Variants in ERLIN1 observed in about 807,000 individuals in gnomAD.
ERLIN1 encodes erlin-1.
In ERLIN1, 24 loss-of-function variants were observed where a neutral mutation model predicts 46.9. That is an observed-to-expected ratio of 0.51 (90% CI 0.37 to 0.72). The LOEUF (loss-of-function observed/expected upper bound fraction) is 0.72, where lower values mean the gene tolerates loss of function less well. Among genes scored for constraint, ERLIN1 ranks in the 30% least tolerant of loss-of-function variants. The pLI, the probability that ERLIN1 is intolerant of heterozygous loss-of-function variation, is 0.00. For synonymous variants in ERLIN1, 158 were observed against 143.2 expected (o/e 1.10, Z -0.74); for missense variants, 293 against 417.9 (o/e 0.70, Z 2.61).
chr10:100,156,023 T>A, intron 9 of ERLIN1, 122 bp downstream of exon 9: 2 of 592,748 alleles, frequency 3.4e-6, no homozygotes, highest in Non-Finnish European at 6.1e-6. Context: ...GCCAGCTATT[T>A]CCTCCAGACC....
In ERLIN1 at chr10:100,185,523, A is replaced by G. The variant is rs1791624003; in HGVS notation, c.104T>C (p.Val35Ala). Reference sequence around the variant, plus strand: ...TGCACATGCCGCTCACCTGTAGTACACAGCCAGATGGCCCTCCTCAATCTT... The same window carrying G: ...TGCACATGCCGCTCACCTGTAGTACGCAGCCAGATGGCCCTCCTCAATCTT... Reference protein sequence around the residue: ...IHKIEEGHLAVYYRGGALLTS... With the variant: ...IHKIEEGHLAAYYRGGALLTS... Residue 35 changes from valine (V) to alanine (A), a missense_variant, in exon 1 of 11, where the codon GTG becomes GCG. Physicochemically the swap from Val to Ala is moderately conservative, Grantham distance 64. Around this residue, in one of 3 missense-constraint regions of ERLIN1, gnomAD observed 76 missense variants for 77.0 expected, o/e 0.99. Coordinates refer to ENST00000421367, the MANE Select transcript of ERLIN1 (RefSeq NM_006459.4). The G allele has an allele frequency of 6.2e-7, 1 of 1,612,604 alleles. No individual in the cohort carries two copies. The highest frequency in any genetic ancestry group is 1.7e-5 in the Admixed American group (1 of 60,006).
intron 8 of ERLIN1, among the ~76,000 whole-genome samples, chr10:100,162,891 G>A (rs1470742923): frequency 1.3e-5 from 2 of 152,234 alleles, no homozygotes; most frequent in Non-Finnish European, 2.9e-5. Context: ...GCTACTCTAT[G>A]GAAACCTGCA....
At chr10:100,178,605 G>C (rs897892521) in intron 3 of ERLIN1, among the ~76,000 whole-genome samples, 4 of 152,170 alleles carry the variant, frequency 2.6e-5, no homozygotes, top group African/African-American at 4.8e-5. Flanking sequence ...CCTCACCCCA[G>C]ACCTATTGAA....
chr10:100,167,216 G>A (rs1843692580), intron 7 of ERLIN1, 132 bp downstream of exon 7: 1 of 693,296 alleles, frequency 1.4e-6, no homozygotes, highest in Admixed American at 2.8e-5. Context: ...AATATTACTA[G>A]AGTAAGAGTA....
At chr10:100,176,135 C>A in intron 4 of ERLIN1, 65 bp from the exon 5 acceptor site, 1 of 1,473,974 alleles carries the variant, frequency 6.8e-7, no homozygotes, top group Non-Finnish European at 9.2e-7. Context: ...TCAAATTCAG[C>A]CAGGGTAAAA....
chr10:100,178,822 T>C (rs1345850082), intron 3 of ERLIN1, among the ~76,000 whole-genome samples: 2 of 152,204 alleles, frequency 1.3e-5, no homozygotes, highest in African/African-American at 2.4e-5. Context: ...AAAGTGTCAA[T>C]AAAGGAATGT....
chr10:100,185,795 T>A lies in ERLIN1; in HGVS notation c.-169A>T, dbSNP rs1177648117. ...ATTCTTCCCTTCTGGCTGAGCCCGC[T>A]GACCCCTTGCCAACTCCTCCGCCCC... On this transcript the variant is annotated 5_prime_UTR_variant, in exon 1 of 11. Coordinates refer to ENST00000421367, the MANE Select transcript of ERLIN1 (RefSeq NM_006459.4). 1 of 609,864 alleles carries A rather than the reference T, an allele frequency of 1.6e-6. No individual in the cohort carries two copies. Among genetic ancestry groups the A allele is most frequent in the East Asian group, 2.8e-5 (1 of 35,228 alleles). 37.8% of individuals were successfully genotyped at this position (609,864 alleles called of 1,614,324 possible). A position where few individuals can be genotyped will look rare whatever the true frequency, so the allele number is the denominator to read the frequency against.
chr10:100,178,792 A>C (rs1283012275), intron 3 of ERLIN1, among the ~76,000 whole-genome samples: 1 of 152,234 alleles, frequency 6.6e-6, no homozygotes, highest in East Asian at 1.9e-4. Flanking sequence ...CTGCCTTTAT[A>C]AAGGAGGAAA....
At chr10:100,170,367 T>A (rs11190409) in intron 6 of ERLIN1, among the ~76,000 whole-genome samples, 11,463 of 152,280 alleles carry the variant, frequency 0.075, 773 homozygotes, top group African/African-American at 0.17. Context: ...AAAATTATTT[T>A]AAAATTTTTT....
chr10:100,176,103 C>T, intron 4 of ERLIN1, 33 bp from the exon 5 acceptor site: 1 of 1,590,162 alleles, frequency 6.3e-7, no homozygotes, highest in South Asian at 1.1e-5. Flanking sequence ...GTTTGTTTTA[C>T]CCAACAATGA....
chr10:100,155,782 G>A (rs960063168), intron 9 of ERLIN1, among the ~76,000 whole-genome samples: 29 of 152,326 alleles, frequency 1.9e-4, no homozygotes, highest in African/African-American at 4.1e-4. Flanking sequence ...CCAAAGTGCT[G>A]GGATTACAGG....
At chr10:100,163,863 T>C in intron 8 of ERLIN1, 141 bp downstream of exon 8, 1 of 613,522 alleles carries the variant, frequency 1.6e-6, no homozygotes, top group Non-Finnish European at 2.9e-6. Flanking sequence ...TTAGAACATC[T>C]GAATGTACAG....
chr10:100,162,646 A>C (rs151109777), intron 8 of ERLIN1, among the ~76,000 whole-genome samples: 1 of 152,356 alleles, frequency 6.6e-6, no homozygotes, highest in Non-Finnish European at 1.5e-5. Context: ...GGAACCAATA[A>C]ATTGTAAACT....
At chr10:100,173,034 T>C (rs1051872802) in intron 6 of ERLIN1, among the ~76,000 whole-genome samples, 2 of 152,202 alleles carry the variant, frequency 1.3e-5, no homozygotes, top group Non-Finnish European at 2.9e-5. Context: ...CCCTTAACTC[T>C]GGTGGCTCAC....
chr10:100,182,560 C>T (rs995170738), intron 2 of ERLIN1, among the ~76,000 whole-genome samples: 1 of 152,192 alleles, frequency 6.6e-6, no homozygotes, highest in Non-Finnish European at 1.5e-5. Flanking sequence ...AATTTAACAA[C>T]TTCCACCATA....
At chr10:100,152,786 C>T (rs918639902) in intron 10 of ERLIN1, among the ~76,000 whole-genome samples, 1 of 152,046 alleles carries the variant, frequency 6.6e-6, no homozygotes, top group Non-Finnish European at 1.5e-5. Flanking sequence ...AAACTCCTGG[C>T]CTCAAGCAAT....
intron 2 of ERLIN1, 99 bp downstream of exon 2, chr10:100,183,657 C>T (rs1482091934): frequency 1.4e-6 from 1 of 716,906 alleles, no homozygotes; most frequent in Non-Finnish European, 2.4e-6. Context: ...ATACCACCAT[C>T]TGCTTAAGCA....
At chr10:100,172,634 C>G (rs570144009) in intron 6 of ERLIN1, among the ~76,000 whole-genome samples, 2 of 152,076 alleles carry the variant, frequency 1.3e-5, no homozygotes, top group East Asian at 3.8e-4. Flanking sequence ...AATTGCCCAC[C>G]CATCCATATG....
In ERLIN1 at chr10:100,155,295, C is replaced by A. The variant is rs987034741; in HGVS notation, c.746-356G>T. On this transcript the variant is annotated intron_variant, in intron 9 of 10. Coordinates refer to ENST00000421367, the MANE Select transcript of ERLIN1 (RefSeq NM_006459.4). The stretch of plus-strand genomic sequence containing the variant: ...TCTATTTACTGCATTGTCTCCAGCC[C>A]CCCCCCAAATTTCATCCAGAATCAG... Among the ~76,000 whole-genome samples the A allele has an allele frequency of 3.9e-5, 6 of 152,002 alleles. No individual in the cohort carries two copies. The East Asian group carries it at 5.8e-4, about 15-fold the overall frequency.
Sources: allele counts gnomAD v4.1 joint callset (sites outside exome capture counted in the v4.1 genomes callset), GRCh38; gene constraint gnomAD v4.1.1; regional missense constraint gnomAD v4.1.1; transcripts MANE v1.5; gene names NCBI Gene and HGNC (gene_info 2026-07-23, HGNC 2026-07-21).